Variants in PARD3 observed in about 807,000 individuals in gnomAD.
PARD3 encodes the protein partitioning defective 3 homolog.
Under a neutral mutation model 155.4 loss-of-function variants are expected in PARD3, and 75 were observed. The observed-to-expected ratio is 0.48, with a 90% CI of 0.40 to 0.58. The LOEUF is 0.58. PARD3 is among the 20% of genes least tolerant of loss of function. The pLI, the probability that PARD3 is intolerant of heterozygous loss-of-function variation, is 0.00. For missense variants in PARD3, 1,642 were observed against 1,721.7 expected, an observed-to-expected ratio of 0.95 and a Z score of 0.82; for synonymous variants, 576 against 610.5, an observed-to-expected ratio of 0.94 and a Z score of 0.83.
chr10:34,485,470 T>C (rs2133252498), intron 3 of PARD3, among the ~76,000 whole-genome samples: 1 of 152,316 alleles, frequency 6.6e-6, no homozygotes, highest in South Asian at 2.1e-4. Flanking sequence ...ACAGAAGTTA[T>C]AAGCAGACAT....
intron 2 of PARD3, among the ~76,000 whole-genome samples, chr10:34,596,443 T>G (rs2089268070): frequency 6.6e-6 from 1 of 152,138 alleles, no homozygotes; most frequent in Non-Finnish European, 1.5e-5. Context: ...CTCAGCAAGC[T>G]TACAATCATG....
chr10:34,381,160 T>C (rs1027641402), intron 9 of PARD3, among the ~76,000 whole-genome samples: 4 of 152,160 alleles, frequency 2.6e-5, no homozygotes, highest in Non-Finnish European at 5.9e-5. Flanking sequence ...AACAGCAGTC[T>C]CAGAGTTTAC....
intron 1 of PARD3, among the ~76,000 whole-genome samples, chr10:34,808,980 G>T (rs1843740139): frequency 6.6e-6 from 1 of 152,176 alleles, no homozygotes; most frequent in Non-Finnish European, 1.5e-5. Flanking sequence ...CACAGCCCTG[G>T]CCACCTGCCT....
intron 12 of PARD3, among the ~76,000 whole-genome samples, chr10:34,364,162 T>C (rs1230976323): frequency 6.6e-6 from 1 of 152,096 alleles, no homozygotes; most frequent in Non-Finnish European, 1.5e-5. Context: ...TAAGAGTTGA[T>C]TGTGTCAAGC....
chr10:34,336,674 A>T (rs1352161253), intron 17 of PARD3, among the ~76,000 whole-genome samples: 2 of 152,124 alleles, frequency 1.3e-5, no homozygotes, highest in African/African-American at 4.8e-5. Context: ...TTAAAGAGAC[A>T]CTACCTGATT....
intron 22 of PARD3, among the ~76,000 whole-genome samples, chr10:34,257,963 C>A (rs907457411): frequency 4.6e-5 from 7 of 152,080 alleles, no homozygotes; most frequent in Admixed American, 4.6e-4. Context: ...TTTTAACTCA[C>A]CAAAATTTAA....
intron 9 of PARD3, 25 bp from the exon 10 acceptor site, chr10:34,378,131 G>T: frequency 6.5e-7 from 1 of 1,545,270 alleles, no homozygotes; most frequent in Non-Finnish European, 8.7e-7. Context: ...GAGAAGAAAA[G>T]TAAATAAAAT....
intron 22 of PARD3, among the ~76,000 whole-genome samples, chr10:34,174,238 T>C (rs929165106): frequency 5.3e-5 from 8 of 152,160 alleles, no homozygotes; most frequent in African/African-American, 1.9e-4. Context: ...CCATCATAAA[T>C]TCATCCGGTG....
intron 2 of PARD3, among the ~76,000 whole-genome samples, chr10:34,576,327 TGCTTG>T (rs2086885049): frequency 6.6e-6 from 1 of 152,222 alleles, no homozygotes; most frequent in Non-Finnish European, 1.5e-5. Flanking sequence ...AGGGGCTGTC[TGCTTG>T]CTTGTGCATT....
intron 22 of PARD3, among the ~76,000 whole-genome samples, chr10:34,197,711 T>C (rs182575663): frequency 1.6e-4 from 24 of 152,358 alleles, no homozygotes; most frequent in Admixed American, 1.4e-3. Context: ...CCTTTGCTCC[T>C]ACTGCAGGAG....
At chr10:34,590,085 G>C (rs2088525706) in intron 2 of PARD3, among the ~76,000 whole-genome samples, 2 of 152,086 alleles carry the variant, frequency 1.3e-5, no homozygotes, top group Admixed American at 6.5e-5. Flanking sequence ...TTCCTAACAC[G>C]AATATGATGA....
intron 1 of PARD3, among the ~76,000 whole-genome samples, chr10:34,793,662 T>C (rs1311840911): frequency 2.0e-5 from 3 of 152,084 alleles, no homozygotes; most frequent in Non-Finnish European, 4.4e-5. Flanking sequence ...GGCACACGCC[T>C]ATAATCCCTG....
At chr10:34,280,306 G>T (rs1319623022) in intron 21 of PARD3, among the ~76,000 whole-genome samples, 1 of 152,124 alleles carries the variant, frequency 6.6e-6, no homozygotes, top group African/African-American at 2.4e-5. Context: ...CTTCTTAAAA[G>T]TACATAGGTG....
chr10:34,190,570 G>A (rs1950659883), intron 22 of PARD3, among the ~76,000 whole-genome samples: 1 of 152,010 alleles, frequency 6.6e-6, no homozygotes, highest in African/African-American at 2.4e-5. Context: ...AGGGATCCTG[G>A]GGCCACAAAG....
chr10:34,221,810 AC>A (rs779946191), intron 22 of PARD3, among the ~76,000 whole-genome samples: 3 of 152,280 alleles, frequency 2.0e-5, no homozygotes, highest in Non-Finnish European at 2.9e-5. Flanking sequence ...TGAGATACAA[AC>A]CGCTGAGTTA....
intron 3 of PARD3, among the ~76,000 whole-genome samples, chr10:34,482,834 T>A (rs1202770183): frequency 2.0e-5 from 3 of 150,302 alleles, no homozygotes; most frequent in Non-Finnish European, 4.4e-5. Flanking sequence ...CAGGTAAGAG[T>A]GAGCTATTTT....
intron 5 of PARD3, among the ~76,000 whole-genome samples, chr10:34,427,344 G>T (rs887179500): frequency 7.2e-5 from 11 of 152,316 alleles, no homozygotes; most frequent in Non-Finnish European, 1.3e-4. Flanking sequence ...CCTCTCAAAT[G>T]GCCACCCTGG....
At chr10:34,624,605 CAGG>C (rs1045355721) in intron 2 of PARD3, among the ~76,000 whole-genome samples, 2 of 152,186 alleles carry the variant, frequency 1.3e-5, no homozygotes, top group East Asian at 1.9e-4. Flanking sequence ...CAGAAGCCAC[CAGG>C]AGGAGGACAG....
chr10:34,616,023 G>A (rs2091228716), intron 2 of PARD3, among the ~76,000 whole-genome samples: 1 of 152,128 alleles, frequency 6.6e-6, no homozygotes, highest in South Asian at 2.1e-4. Flanking sequence ...AGCAATTATA[G>A]AAAACAGAAT....
Sources: gnomAD v4.1 joint callset for allele counts (sites outside exome capture counted in the v4.1 genomes callset) on GRCh38, gnomAD v4.1.1 for gene constraint, MANE v1.5 for transcripts, NCBI Gene and HGNC (gene_info 2026-07-23, HGNC 2026-07-21) for gene names.